Variants in G6PD observed in about 807,000 individuals in gnomAD.
G6PD encodes the protein glucose-6-phosphate 1-dehydrogenase.
In G6PD, 2 loss-of-function variants were observed where a neutral mutation model predicts 38.2. The ratio of observed to expected loss-of-function variants is 0.05; its 90% CI spans 0.02 to 0.16. The LOEUF is 0.16. Ranked by LOEUF, G6PD falls within the 10% of genes least tolerant of loss-of-function variation. The pLI, the probability that G6PD is intolerant of heterozygous loss-of-function variation, is 1.00. For missense variants in G6PD, 310 were observed against 471.6 expected (o/e 0.66, Z 3.17); for synonymous variants, 188 against 196.0 (o/e 0.96, Z 0.34).
At position 154,532,269 on chromosome X, in the gene G6PD, C is replaced by A. The variant is rs72554665; in HGVS notation, c.1376G>T (p.Arg459Leu). Residue 459 changes from arginine to leucine, a missense_variant, in exon 12 of 13, where the codon CGT (arginine) becomes CTT (leucine). Transcript: ENST00000393562. ...TGGGGTGAAAATACGCCAGGCCTCACGGAGCTCGTCGCTGAGGGGACATGG... is the reference window on the plus strand; with the variant it reads ...TGGGGTGAAAATACGCCAGGCCTCAAGGAGCTCGTCGCTGAGGGGACATGG... Reference protein sequence around the residue: ...QMHFVRSDELREAWRIFTPLL... With the variant: ...QMHFVRSDELLEAWRIFTPLL... The A allele has an allele frequency of 1.3e-4, 161 of 1,209,798 alleles. No individual in the cohort carries two copies. In the East Asian group the frequency reaches 4.5e-3, roughly 34 times the overall value.
At chrX:154,546,301 G>T in intron 1 of G6PD, 138 bp from the exon 2 acceptor site, 1 of 829,129 alleles carries the variant, frequency 1.2e-6, no homozygotes, top group Non-Finnish European at 1.8e-6. Flanking sequence ...GAACGGCTGG[G>T]CATTGGGGAG....
At chrX:154,547,325 C>T, upstream of G6PD, 1 of 754,823 alleles carries the variant, frequency 1.3e-6, no homozygotes, top group South Asian at 6.7e-5. Flanking sequence ...GTCAAGCCGG[C>T]CCTATTGGGC....
chrX:154,531,795 G>C lies in G6PD; in HGVS notation c.*205C>G. 1.7e-6 allele frequency: 1 copy of C among 580,152 alleles called. No individual in the cohort carries two copies. Among genetic ancestry groups the C allele is most frequent in the Non-Finnish European group, 2.7e-6 (1 of 373,852 alleles). The allele number at this position is 580,152 out of a possible 1,213,427, so 47.8% of individuals were successfully genotyped here. A position where few individuals can be genotyped will look rare whatever the true frequency, so the allele number is the denominator to read the frequency against. ...CTCCTGGGCTCAGGCAGGGTCTGGA[G>C]GGGCCAGGATGGTCTCGAGTGCTTG... is the stretch of plus-strand genomic sequence containing the variant. On this transcript the variant is annotated 3_prime_UTR_variant, in exon 13 of 13. Coordinates refer to ENST00000393562, the MANE Select transcript of G6PD (RefSeq NM_001360016.2).
chrX:154,536,301 T>C, intron 2 of G6PD, 123 bp from the exon 3 acceptor site: 3 of 647,161 alleles, frequency 4.6e-6, no homozygotes, highest in Non-Finnish European at 7.4e-6. Context: ...AGCATGTCTG[T>C]CTTGCCTGAT....
At chrX:154,534,642 A>G (rs1275116524) in intron 5 of G6PD, 146 bp from the exon 6 acceptor site, 13 of 669,492 alleles carry the variant, frequency 1.9e-5, no homozygotes, top group Non-Finnish European at 2.7e-5. Context: ...TTGTGTTCCC[A>G]GATGACCCTC....
intron 8 of G6PD, 39 bp downstream of exon 8, chrX:154,533,537 G>A (rs1557230019): frequency 6.7e-6 from 8 of 1,202,993 alleles, no homozygotes; most frequent in South Asian, 5.3e-5. Context: ...ATGGGCCTGC[G>A]ACAGGGCATG....
Position 154,535,201 on chromosome X carries a change from G to A in G6PD, c.452C>T (p.Thr151Ile). 1 of 1,211,576 alleles carries A rather than the reference G, an allele frequency of 8.3e-7. No homozygotes were observed. The highest frequency in any genetic ancestry group is 1.1e-6 in the Non-Finnish European group (1 of 895,456). The change falls in exon 5 of 13, where the codon ACC (threonine) becomes ATC (isoleucine). Residue 151 changes from threonine (T) to isoleucine (I), a missense_variant. Thr to Ile is a moderately conservative substitution (Grantham distance 89). Transcript: ENST00000393562. The stretch of plus-strand genomic sequence containing the variant: ...CATGCAGGACTCGTGAATGTTCTTG[G>A]TGACGGCCTCGTAGACGGTCGGGGG... ...ALPPTVYEAV[T>I]KNIHESCMSQ...
upstream of G6PD, chrX:154,546,924 G>T: frequency 3.2e-6 from 2 of 624,350 alleles, no homozygotes; most frequent in Non-Finnish European, 4.3e-6. Flanking sequence ...CGCCTCAGGC[G>T]AGGCGTGCGG....
At chrX:154,537,344 G>A (rs1286987943) in intron 2 of G6PD, among the ~76,000 whole-genome samples, 2 of 110,352 alleles carry the variant, frequency 1.8e-5, no homozygotes, top group East Asian at 2.8e-4. Flanking sequence ...ACAGCTGGAC[G>A]CGGTGGCTCA....
chrX:154,533,361 C>T, intron 8 of G6PD: 1 of 502,126 alleles, frequency 2.0e-6, no homozygotes, highest in Non-Finnish European at 3.3e-6. Context: ...CAATGGCCTT[C>T]CCTGGTCACA....
At chrX:154,535,084 G>T in intron 5 of G6PD, 84 bp downstream of exon 5, 2 of 971,142 alleles carry the variant, frequency 2.1e-6, no homozygotes, top group Non-Finnish European at 2.9e-6. Context: ...CCAGATCCCC[G>T]GCCCCGGACA....
At chrX:154,542,539 G>C (rs2070545003) in intron 2 of G6PD, 2 of 1,055,611 alleles carry the variant, frequency 1.9e-6, no homozygotes, top group Non-Finnish European at 2.5e-6. Context: ...GGTGCCATCA[G>C]GGCCCCCAGG....
At chrX:154,546,904 T>G, upstream of G6PD, 2 of 827,683 alleles carry the variant, frequency 2.4e-6, no homozygotes, top group Non-Finnish European at 1.6e-6. Context: ...GCGCCTGGGC[T>G]GAGCGGACCC....
chrX:154,532,299 G>A lies in G6PD; in HGVS notation c.1365-19C>T, dbSNP rs1193489886. ...CTCGTCGCTGAGGGGACATGGTATG[G>A]CTTGGGAGGCCGGTGGCACACAGGG... On this transcript the variant is annotated intron_variant, in intron 11 of 12. Coordinates refer to ENST00000393562, the MANE Select transcript of G6PD (RefSeq NM_001360016.2). The A allele has an allele frequency of 1.7e-6, 2 of 1,209,028 alleles. No individual in the cohort carries two copies. The highest frequency in any genetic ancestry group is 2.2e-6 in the Non-Finnish European group (2 of 894,125).
intron 2 of G6PD, among the ~76,000 whole-genome samples, chrX:154,545,130 C>G (rs781797312): frequency 9.0e-6 from 1 of 111,311 alleles, no homozygotes; most frequent in Non-Finnish European, 1.9e-5. Context: ...TAGTCTCGGG[C>G]GATGGCTGTC....
upstream of G6PD, chrX:154,547,448 G>T (rs782426682): frequency 3.2e-5 from 24 of 755,194 alleles, no homozygotes; most frequent in Non-Finnish European, 3.3e-5. Flanking sequence ...CTGCAAAGTG[G>T]CCGGCGTGCT....
rs1557229914 is a variant in G6PD at position 154,533,106 on chromosome X, G to A, written c.887C>T (p.Ser296Leu). ...DEKVKVLKCISEVQANNVVLG... is the reference protein window; with the variant it reads ...DEKVKVLKCILEVQANNVVLG... ...GACCACATTGTTGGCCTGCACCTCT[G>A]AGATGCATTTCAACACCTTGACCTG... The change falls in exon 9 of 13, where the codon TCA becomes TTA. Residue 296 changes from serine to leucine, a missense_variant. Coordinates refer to ENST00000393562, the MANE Select transcript of G6PD (RefSeq NM_001360016.2). 1 of 1,212,292 alleles carries A rather than the reference G, an allele frequency of 8.2e-7. No homozygotes were observed. The highest frequency in any genetic ancestry group is 1.8e-5 in the South Asian group (1 of 57,033).
At chrX:154,542,771 C>T (rs782114925) in intron 2 of G6PD, among the ~76,000 whole-genome samples, 26 of 111,902 alleles carry the variant, frequency 2.3e-4, no homozygotes, top group Non-Finnish European at 4.3e-4. Context: ...GCTCTCCCGG[C>T]CCTCTTTGTG....
At chrX:154,545,877 C>A in intron 2 of G6PD, 159 bp downstream of exon 2, 5 of 597,752 alleles carry the variant, frequency 8.4e-6, no homozygotes, top group Non-Finnish European at 1.1e-5. Flanking sequence ...TGCATATGCA[C>A]ACCAGGTAGA....
Sources: gnomAD v4.1 joint callset for allele counts (sites outside exome capture counted in the v4.1 genomes callset) on GRCh38, gnomAD v4.1.1 for gene constraint, MANE v1.5 for transcripts, NCBI Gene and HGNC (gene_info 2026-07-23, HGNC 2026-07-21) for gene names.